Variants in TYR observed in about 807,000 individuals in gnomAD.
TYR encodes the protein tyrosinase, also known as LB24-AB.
TYR carries 58 observed loss-of-function variants against 51.5 expected under a neutral mutation model. That is an observed-to-expected ratio of 1.13 (90% CI 0.91 to 1.40). The LOEUF (loss-of-function observed/expected upper bound fraction) is 1.40. Among genes scored for constraint, TYR ranks in the 40% most tolerant of loss-of-function variants. The pLI, the probability that TYR is intolerant of heterozygous loss-of-function variation, is 0.00. For synonymous variants in TYR, 263 were observed against 235.2 expected (o/e 1.12, Z -1.08); for missense variants, 732 against 647.4 (o/e 1.13, Z -1.42).
At chr11:89,203,177 T>C (rs183907268) in intron 2 of TYR, among the ~76,000 whole-genome samples, 43 of 152,332 alleles carry the variant, frequency 2.8e-4, no homozygotes, top group African/African-American at 9.4e-4. Flanking sequence ...AATTTGCAAT[T>C]ACACCATGAG....
At position 89,178,284 on chromosome 11, in the gene TYR, A is replaced by C. The variant is rs780520175; in HGVS notation, c.331A>C (p.Asn111His). 3 of 1,614,066 alleles carry C rather than the reference A, an allele frequency of 1.9e-6. No homozygotes were observed. In the African/African-American group the frequency reaches 4.0e-5, roughly 22 times the overall value. ...CTGCAAGTTTGGCTTTTGGGGACCA[A>C]ACTGCACAGAGAGACGACTCTTGGT... ...GNCKFGFWGP[N>H]CTERRLLVRR... The change falls in exon 1 of 5, where the codon AAC (asparagine) becomes CAC (histidine). Residue 111 changes from asparagine to histidine, a missense_variant. Transcript: ENST00000263321.
rs112267653 is a variant in TYR at position 89,178,517 on chromosome 11, G to A, written c.564G>A (p.Leu188=). The change falls in exon 1 of 5, where the codon CTG becomes CTA. Residue 188 remains leucine, a synonymous_variant. Coordinates refer to ENST00000263321, the MANE Select transcript of TYR (RefSeq NM_000372.5). ...WMHYYVSMDA[L]LGGSEIWRDI... The stretch of plus-strand genomic sequence containing the variant: ...ATTATTATGTGTCAATGGATGCACT[G>A]CTTGGGGGATCTGAAATCTGGAGAG... 1.3e-5 allele frequency: 21 copies of A among 1,614,040 alleles called. No homozygotes were observed. Among genetic ancestry groups the A allele is most frequent in the African/African-American group, 5.3e-5 (4 of 74,912 alleles).
intron 2 of TYR, among the ~76,000 whole-genome samples, chr11:89,211,110 C>A (rs1428837418): frequency 6.6e-6 from 1 of 152,024 alleles, no homozygotes; most frequent in Non-Finnish European, 1.5e-5. Context: ...TCACATATAA[C>A]AATATTAACC....
intron 1 of TYR, among the ~76,000 whole-genome samples, chr11:89,189,360 A>T (rs751307959): frequency 4.6e-5 from 7 of 152,078 alleles, no homozygotes; most frequent in Non-Finnish European, 1.5e-5. Context: ...CGGTATTTCT[A>T]CAATGAAAAT....
intron 2 of TYR, among the ~76,000 whole-genome samples, chr11:89,203,101 A>G (rs1943622046): frequency 6.6e-6 from 1 of 152,240 alleles, no homozygotes; most frequent in African/African-American, 2.4e-5. Flanking sequence ...AGTGAGCAAC[A>G]GAGAAAACAA....
chr11:89,269,760 C>G (rs1944568188), intron 3 of TYR, among the ~76,000 whole-genome samples: 2 of 151,876 alleles, frequency 1.3e-5, no homozygotes, highest in African/African-American at 4.8e-5. Flanking sequence ...TCCTGACAAT[C>G]TCTACTCTTA....
At chr11:89,228,073 T>C in intron 3 of TYR, 103 bp downstream of exon 3, 4 of 1,429,564 alleles carry the variant, frequency 2.8e-6, no homozygotes, top group African/African-American at 2.8e-5. Flanking sequence ...GAAGTTATGG[T>C]AGTCTATTGT....
chr11:89,292,489 A>C (rs1944862432), intron 4 of TYR, among the ~76,000 whole-genome samples: 1 of 152,142 alleles, frequency 6.6e-6, no homozygotes, highest in Admixed American at 6.5e-5. Context: ...GTTTGAAGGA[A>C]TATAAATAAT....
At chr11:89,248,970 T>C (rs1392979147) in intron 3 of TYR, among the ~76,000 whole-genome samples, 1 of 152,176 alleles carries the variant, frequency 6.6e-6, no homozygotes, top group Non-Finnish European at 1.5e-5. Context: ...CAAAGATTAC[T>C]CCAATAATTA....
At chr11:89,272,915 C>G (rs2135316106) in intron 3 of TYR, among the ~76,000 whole-genome samples, 1 of 152,052 alleles carries the variant, frequency 6.6e-6, no homozygotes, top group African/African-American at 2.4e-5. Flanking sequence ...GCTCTCAGGA[C>G]TCATAAAATT....
intron 3 of TYR, among the ~76,000 whole-genome samples, chr11:89,252,972 A>G (rs1170974581): frequency 6.6e-6 from 1 of 151,796 alleles, no homozygotes; most frequent in Non-Finnish European, 1.5e-5. Flanking sequence ...TAAGTGGTAA[A>G]TTGAATCACA....
chr11:89,280,597 A>T (rs1944709731), intron 3 of TYR, among the ~76,000 whole-genome samples: 2 of 151,286 alleles, frequency 1.3e-5, no homozygotes, highest in African/African-American at 4.8e-5. Flanking sequence ...TAGTTTTTTA[A>T]AATTGATATT....
chr11:89,284,949 A>C lies in TYR; in HGVS notation c.1361A>C (p.Asp454Ala), dbSNP rs564138835. 1 of 1,611,004 alleles carries C rather than the reference A, an allele frequency of 6.2e-7. No individual in the cohort carries two copies. The highest frequency in any genetic ancestry group is 1.3e-5 in the African/African-American group (1 of 74,844). The part of the protein sequence containing the change: ...DLGYDYSYLQ[D>A]SDPDSFQDYI... ...GGCTATGACTATAGCTATCTACAAG[A>C]TTCAGGTAAAGTTTACTTTCTTTCA... Residue 454 changes from aspartate (D) to alanine (A), a missense_variant, in exon 4 of 5, where the codon GAT (aspartate) becomes GCT (alanine). Coordinates refer to ENST00000263321, the MANE Select transcript of TYR (RefSeq NM_000372.5).
intron 3 of TYR, among the ~76,000 whole-genome samples, chr11:89,265,402 G>A (rs1273728881): frequency 6.6e-6 from 1 of 152,076 alleles, no homozygotes; most frequent in African/African-American, 2.4e-5. Flanking sequence ...CCACTTGGCT[G>A]TGGAGTGAAA....
intron 3 of TYR, among the ~76,000 whole-genome samples, chr11:89,229,503 C>G (rs1944017641): frequency 6.6e-6 from 1 of 151,842 alleles, no homozygotes; most frequent in South Asian, 2.1e-4. Flanking sequence ...AGTATGACCA[C>G]TCTTGCCACC....
intron 2 of TYR, among the ~76,000 whole-genome samples, chr11:89,209,176 C>CTT (rs1047925510): frequency 3.3e-5 from 5 of 152,334 alleles, no homozygotes; most frequent in African/African-American, 1.2e-4. Context: ...GGGGATTTCC[C>CTT]TTTCCTAGCC....
intron 2 of TYR, among the ~76,000 whole-genome samples, chr11:89,208,383 A>G (rs1943702196): frequency 6.6e-6 from 1 of 152,258 alleles, no homozygotes; most frequent in Non-Finnish European, 1.5e-5. Context: ...ATTTCAGTCA[A>G]GCAAGGAGCA....
chr11:89,238,624 T>C (rs773357095), intron 3 of TYR, among the ~76,000 whole-genome samples: 50 of 152,164 alleles, frequency 3.3e-4, no homozygotes, highest in Non-Finnish European at 5.9e-4. Flanking sequence ...ACAGTATTTG[T>C]TGATTAGTCA....
chr11:89,239,496 T>TGTTAAAAAGAGTTG (rs1944163712), intron 3 of TYR, among the ~76,000 whole-genome samples: 2 of 152,080 alleles, frequency 1.3e-5, no homozygotes, highest in Non-Finnish European at 2.9e-5. Context: ...TTGTTTACCT[T>TGTTAAAAAGAGTTG]GTTAAAAACC....
Sources: gnomAD v4.1 joint callset for allele counts (sites outside exome capture counted in the v4.1 genomes callset) on GRCh38, gnomAD v4.1.1 for gene constraint, MANE v1.5 for transcripts, NCBI Gene and HGNC (gene_info 2026-07-23, HGNC 2026-07-21) for gene names.